ADGRA3: variants seen among roughly 807,000 people sequenced by gnomAD.
The protein encoded by ADGRA3 is adhesion G protein-coupled receptor A3.
A neutral mutation model predicts 119.8 loss-of-function variants in ADGRA3; 56 were observed. That is an observed-to-expected ratio of 0.47 (90% CI 0.38 to 0.58). The LOEUF (loss-of-function observed/expected upper bound fraction) is 0.58. ADGRA3 is among the 20% of genes least tolerant of loss of function. The pLI is 0.00. For missense variants in ADGRA3, 1,516 were observed against 1,649.0 expected (o/e 0.92, Z 1.40); for synonymous variants, 607 against 623.8 (o/e 0.97, Z 0.40).
intron 1 of ADGRA3, among the ~76,000 whole-genome samples, chr4:22,496,684 TAAG>T (rs1203567842): frequency 8.5e-5 from 13 of 152,180 alleles, no homozygotes; most frequent in African/African-American, 2.7e-4. Context: ...TTTGTAAATA[TAAG>T]TGGCTGAGCC....
At chr4:22,507,857 T>TCA (rs777774969) in intron 1 of ADGRA3, among the ~76,000 whole-genome samples, 130 of 152,198 alleles carry the variant, frequency 8.5e-4, no homozygotes, top group Non-Finnish European at 1.6e-3. Context: ...ATCAAGGAGA[T>TCA]CACATGTGAC....
At chr4:22,471,548 A>G (rs369271826) in intron 2 of ADGRA3, among the ~76,000 whole-genome samples, 1 of 152,300 alleles carries the variant, frequency 6.6e-6, no homozygotes, top group South Asian at 2.1e-4. Flanking sequence ...GCAGGTCCCA[A>G]CTGGGCATGC....
intron 16 of ADGRA3, chr4:22,393,472 T>C (rs1369723990): frequency 6.6e-6 from 1 of 152,170 alleles, no homozygotes; most frequent in Non-Finnish European, 1.5e-5. Context: ...ACTGTAACAA[T>C]CACAAAGCAA....
intron 10 of ADGRA3, among the ~76,000 whole-genome samples, chr4:22,429,119 A>T (rs1174589618): frequency 6.6e-6 from 1 of 151,488 alleles, no homozygotes; most frequent in African/African-American, 2.4e-5. Flanking sequence ...TCAAAACTTT[A>T]AAAAAAACTG....
At chr4:22,462,558 G>A (rs1430313592) in intron 2 of ADGRA3, among the ~76,000 whole-genome samples, 1 of 152,158 alleles carries the variant, frequency 6.6e-6, no homozygotes, top group Non-Finnish European at 1.5e-5. Flanking sequence ...CAAGCAATCT[G>A]CCTGCCTCAG....
At chr4:22,505,765 T>A (rs1719215405) in intron 1 of ADGRA3, among the ~76,000 whole-genome samples, 1 of 151,706 alleles carries the variant, frequency 6.6e-6, no homozygotes, top group Non-Finnish European at 1.5e-5. Context: ...CAGGGTCACA[T>A]CTAACCGAGG....
At chr4:22,486,682 C>G (rs1304593424) in intron 1 of ADGRA3, among the ~76,000 whole-genome samples, 1 of 152,160 alleles carries the variant, frequency 6.6e-6, no homozygotes, top group African/African-American at 2.4e-5. Flanking sequence ...TATTTAGGGT[C>G]ATTTTTCCAG....
chr4:22,418,720 C>A (rs1290085934), intron 12 of ADGRA3, among the ~76,000 whole-genome samples: 4 of 152,104 alleles, frequency 2.6e-5, no homozygotes, highest in Non-Finnish European at 5.9e-5. Context: ...ATGCCCACAA[C>A]ATTAACAACC....
chr4:22,424,483 T>C (rs1715851936), intron 10 of ADGRA3, 131 bp from the exon 11 acceptor site: 1 of 914,088 alleles, frequency 1.1e-6, no homozygotes, highest in Non-Finnish European at 1.7e-6. Context: ...AACAGGCACT[T>C]TACTTGTTTC....
In ADGRA3 at chr4:22,413,091, AC is replaced by A. The variant is rs199817965; in HGVS notation, c.2232+90del. On this transcript the variant is annotated intron_variant, in intron 14 of 18. Transcript: ENST00000334304. ...TGTTAAAAGTAAAAAAAAAAAAAAA[AC>A]AAAAAACAAAAAAACACTTCATTTG... 2.5e-3 allele frequency: 2,388 copies of A among 974,108 alleles called. 19 individuals are homozygous for A. The highest frequency in any genetic ancestry group is 5.2e-3 in the African/African-American group (303 of 57,734). 60.3% of individuals were successfully genotyped at this position (974,108 alleles called of 1,614,324 possible). A position where few individuals can be genotyped will look rare whatever the true frequency, so the allele number is the denominator to read the frequency against.
chr4:22,424,478 G>A, intron 10 of ADGRA3, 126 bp from the exon 11 acceptor site: 1 of 944,584 alleles, frequency 1.1e-6, no homozygotes, highest in Non-Finnish European at 1.6e-6. Flanking sequence ...AACCCAACAG[G>A]CACTTTACTT....
At chr4:22,495,733 C>T (rs1185073069) in intron 1 of ADGRA3, among the ~76,000 whole-genome samples, 1 of 151,738 alleles carries the variant, frequency 6.6e-6, no homozygotes, top group Non-Finnish European at 1.5e-5. Flanking sequence ...ACGGTGAAAC[C>T]CCGTCGCTAC....
intron 16 of ADGRA3, among the ~76,000 whole-genome samples, chr4:22,399,366 T>G (rs373949254): frequency 1.4e-4 from 21 of 152,344 alleles, no homozygotes; most frequent in African/African-American, 5.0e-4. Flanking sequence ...TTAGTCAAAA[T>G]TATTTTTTTT....
intron 7 of ADGRA3, among the ~76,000 whole-genome samples, chr4:22,440,524 ATTT>A (rs933805092): frequency 2.6e-5 from 4 of 152,090 alleles, no homozygotes; most frequent in Non-Finnish European, 5.9e-5. Context: ...CACATGAAAG[ATTT>A]TCACTTTAGT....
intron 1 of ADGRA3, among the ~76,000 whole-genome samples, chr4:22,496,355 T>A (rs979769497): frequency 6.6e-6 from 1 of 152,146 alleles, no homozygotes; most frequent in Admixed American, 6.5e-5. Flanking sequence ...ATCATAATGA[T>A]CTCATTAGGG....
At chr4:22,480,866 G>A (rs986149360) in intron 1 of ADGRA3, among the ~76,000 whole-genome samples, 2 of 152,022 alleles carry the variant, frequency 1.3e-5, no homozygotes, top group South Asian at 4.1e-4. Flanking sequence ...GAAAGATCAA[G>A]GCATATATTT....
intron 7 of ADGRA3, among the ~76,000 whole-genome samples, chr4:22,438,684 A>AT (rs1472695736): frequency 6.6e-6 from 1 of 152,166 alleles, no homozygotes; most frequent in Non-Finnish European, 1.5e-5. Context: ...ACGCATGAGA[A>AT]TTCTCCTTGC....
intron 1 of ADGRA3, among the ~76,000 whole-genome samples, chr4:22,482,579 T>C: frequency 6.6e-6 from 1 of 151,876 alleles, no homozygotes; most frequent in Non-Finnish European, 1.5e-5. Context: ...TGGAGAGGAT[T>C]GCTCAAGCCC....
At position 22,515,607 on chromosome 4, in the gene ADGRA3, C is replaced by T. The variant is rs770806145; in HGVS notation, c.178G>A (p.Glu60Lys). 20 of 1,550,598 alleles carry T rather than the reference C, an allele frequency of 1.3e-5. No homozygotes were observed. In the Middle Eastern group the frequency reaches 1.6e-3, roughly 121 times the overall value. Residue 60 changes from glutamate (E) to lysine (K), a missense_variant, in exon 1 of 19, where the codon GAG becomes AAG. Glu to Lys is a moderately conservative substitution (Grantham distance 56). This residue lies in a region of ADGRA3 where 428 missense variants were observed against 541.9 expected (regional missense o/e 0.79). Coordinates refer to ENST00000334304, the MANE Select transcript of ADGRA3 (RefSeq NM_145290.4). ...AGGCTGCTGCACACCACCTTGCCCT[C>T]GGCGGCGCCCGCCGCCCTGCCAGCC... ...RGAGRAAGAA[E>K]GKVVCSSLEL...
Sources: gnomAD v4.1 joint callset for allele counts (sites outside exome capture counted in the v4.1 genomes callset) on GRCh38, gnomAD v4.1.1 for gene constraint, gnomAD v4.1.1 regional missense constraint, MANE v1.5 for transcripts, NCBI Gene and HGNC (gene_info 2026-07-23, HGNC 2026-07-21) for gene names.